Variants in MAML2 observed in about 807,000 individuals in gnomAD.
MAML2 encodes mastermind-like protein 2.
A neutral mutation model predicts 96.1 loss-of-function variants in MAML2; 22 were observed. That is an observed-to-expected ratio of 0.23 (90% CI 0.16 to 0.33). MAML2 has a LOEUF of 0.33. Among genes scored for constraint, MAML2 ranks in the 10% least tolerant of loss-of-function variants. The pLI, the probability that MAML2 is intolerant of heterozygous loss-of-function variation, is 1.00. For synonymous variants in MAML2, 561 were observed against 521.3 expected (o/e 1.08, Z -1.04); for missense variants, 1,367 against 1,392.4 (o/e 0.98, Z 0.29).
intron 1 of MAML2, among the ~76,000 whole-genome samples, chr11:96,121,006 A>T (rs915714817): frequency 4.6e-5 from 7 of 152,228 alleles, no homozygotes; most frequent in Admixed American, 2.0e-4. Context: ...AAGATGGGAA[A>T]ATGGTGCAAC....
intron 1 of MAML2, among the ~76,000 whole-genome samples, chr11:96,175,277 A>G (rs532153485): frequency 6.6e-6 from 1 of 152,320 alleles, no homozygotes; most frequent in African/African-American, 2.4e-5. Context: ...TCATCAAGGG[A>G]AATGGAAACC....
chr11:96,180,935 G>A (rs528224606), intron 1 of MAML2, among the ~76,000 whole-genome samples: 39 of 151,668 alleles, frequency 2.6e-4, no homozygotes, highest in African/African-American at 9.0e-4. Context: ...GGGTAGGAGT[G>A]GGGGTCACAA....
intron 1 of MAML2, among the ~76,000 whole-genome samples, chr11:96,314,111 C>G (rs192316409): frequency 6.6e-6 from 1 of 152,330 alleles, no homozygotes; most frequent in African/African-American, 2.4e-5. Flanking sequence ...ACTGAAGTAG[C>G]ATTTTTCAAG....
intron 1 of MAML2, among the ~76,000 whole-genome samples, chr11:96,183,624 G>C (rs531235821): frequency 4.0e-5 from 6 of 150,682 alleles, no homozygotes; most frequent in Non-Finnish European, 7.4e-5. Context: ...TGCCCAGACT[G>C]GTCTCAAACT....
chr11:96,314,066 G>T (rs1037233038), intron 1 of MAML2, among the ~76,000 whole-genome samples: 1 of 152,100 alleles, frequency 6.6e-6, no homozygotes, highest in Non-Finnish European at 1.5e-5. Context: ...GAGAGGGCAG[G>T]GATATGAAAA....
chr11:96,222,830 A>C (rs1272082371), intron 1 of MAML2, among the ~76,000 whole-genome samples: 1 of 152,208 alleles, frequency 6.6e-6, no homozygotes, highest in Non-Finnish European at 1.5e-5. Context: ...TAGAATTACT[A>C]CCAGTTTTAT....
chr11:96,288,542 C>CAAA (rs60166307), intron 1 of MAML2, among the ~76,000 whole-genome samples: 11 of 83,950 alleles, frequency 1.3e-4, no homozygotes, highest in East Asian at 4.5e-4. Flanking sequence ...GACTCTGTCT[C>CAAA]AAAAAAAAAA....
chr11:95,977,842 C>T lies in MAML2; in HGVS notation c.*1106G>A, dbSNP rs867952565. 2 of 226,456 alleles carry T rather than the reference C, an allele frequency of 8.8e-6. No individual in the cohort carries two copies. The highest frequency in any genetic ancestry group is 1.3e-3 in the Middle Eastern group (1 of 746). The allele number at this position is 226,456 out of a possible 1,614,324, so 14.0% of individuals were successfully genotyped here. On this transcript the variant is annotated 3_prime_UTR_variant, in exon 5 of 5. Coordinates refer to ENST00000524717, the MANE Select transcript of MAML2 (RefSeq NM_032427.4). ...TCCAAATAATACGTCCAATGAAGGACAAATTGTTTTCCCTCTTGATTATGC... is the reference window on the plus strand; with the variant it reads ...TCCAAATAATACGTCCAATGAAGGATAAATTGTTTTCCCTCTTGATTATGC...
At chr11:96,282,259 T>A (rs56788057) in intron 1 of MAML2, among the ~76,000 whole-genome samples, 67,024 of 141,856 alleles carry the variant, frequency 0.47, 16,127 homozygotes, top group East Asian at 0.64. Flanking sequence ...AAAAAAAAAA[T>A]AATAATAATA....
At chr11:96,108,776 C>T (rs1461747574) in intron 1 of MAML2, among the ~76,000 whole-genome samples, 2 of 152,066 alleles carry the variant, frequency 1.3e-5, no homozygotes, top group African/African-American at 4.8e-5. Context: ...CTCGTACCTA[C>T]AATCTCAGCA....
intron 1 of MAML2, among the ~76,000 whole-genome samples, chr11:96,270,227 T>C (rs1248256059): frequency 9.3e-6 from 1 of 108,030 alleles, no homozygotes; most frequent in Non-Finnish European, 1.9e-5. Flanking sequence ...TTACATCCTA[T>C]CCACTAAAAT....
chr11:96,090,387 T>G (rs1228703964), intron 2 of MAML2, among the ~76,000 whole-genome samples: 1 of 152,200 alleles, frequency 6.6e-6, no homozygotes, highest in Admixed American at 6.5e-5. Flanking sequence ...TACCTCATTT[T>G]ATTTTCAATA....
intron 2 of MAML2, among the ~76,000 whole-genome samples, chr11:96,015,618 G>A (rs1858337654): frequency 6.9e-6 from 1 of 144,026 alleles, no homozygotes; most frequent in Non-Finnish European, 1.5e-5. Flanking sequence ...ACATATTAGT[G>A]ATGACCCATG....
At chr11:96,325,246 A>T (rs572057440) in intron 1 of MAML2, among the ~76,000 whole-genome samples, 1 of 152,162 alleles carries the variant, frequency 6.6e-6, no homozygotes, top group Middle Eastern at 3.2e-3. Context: ...TGCCTCCTGC[A>T]TAGGTCCAGG....
intron 1 of MAML2, among the ~76,000 whole-genome samples, chr11:96,213,253 T>A (rs1390643314): frequency 6.6e-6 from 1 of 152,270 alleles, no homozygotes; most frequent in East Asian, 1.9e-4. Flanking sequence ...CTTCCTATTT[T>A]AAAAATGTGA....
chr11:96,235,017 T>C (rs1043995483), intron 1 of MAML2, among the ~76,000 whole-genome samples: 1 of 152,182 alleles, frequency 6.6e-6, no homozygotes, highest in Non-Finnish European at 1.5e-5. Context: ...TACTTTGAAA[T>C]TCTCATAAAC....
chr11:96,232,662 G>A (rs1273531668), intron 1 of MAML2, among the ~76,000 whole-genome samples: 1 of 152,016 alleles, frequency 6.6e-6, no homozygotes, highest in East Asian at 1.9e-4. Context: ...TAGTAGAGAC[G>A]GGGTTTCACC....
chr11:95,991,863 A>T (rs1270338550), intron 2 of MAML2, 140 bp from the exon 3 acceptor site: 1 of 676,692 alleles, frequency 1.5e-6, no homozygotes, highest in African/African-American at 1.8e-5. Context: ...GAGATCAGAG[A>T]ATCGCTTTTT....
At chr11:96,031,745 G>A (rs1858618274) in intron 2 of MAML2, among the ~76,000 whole-genome samples, 1 of 152,086 alleles carries the variant, frequency 6.6e-6, no homozygotes, top group African/African-American at 2.4e-5. Flanking sequence ...CAGCACTTTG[G>A]GAGGCTGAGA....
Sources: allele counts gnomAD v4.1 joint callset (sites outside exome capture counted in the v4.1 genomes callset), GRCh38; gene constraint gnomAD v4.1.1; transcripts MANE v1.5; gene names NCBI Gene and HGNC (gene_info 2026-07-23, HGNC 2026-07-21).